Variants in COL28A1 observed in about 807,000 individuals in gnomAD.
COL28A1 encodes the protein collagen type XXVIII alpha 1 chain, also known as collagen alpha-1(XXVIII) chain.
COL28A1 carries 161 observed loss-of-function variants against 150.2 expected under a neutral mutation model. The ratio of observed to expected loss-of-function variants is 1.07; its 90% CI spans 0.94 to 1.22. The LOEUF (loss-of-function observed/expected upper bound fraction) is 1.22, where lower values mean the gene tolerates loss of function less well. COL28A1 is among the 50% of genes most tolerant of loss of function. The pLI is 0.00. For synonymous variants in COL28A1, 552 were observed against 469.7 expected (o/e 1.18, Z -2.26); for missense variants, 1,617 against 1,388.3 (o/e 1.16, Z -2.62).
At chr7:7,400,975 G>GGTGTGGGT (rs1554264685) in intron 27 of COL28A1, among the ~76,000 whole-genome samples, 2 of 119,074 alleles carry the variant, frequency 1.7e-5, no homozygotes, top group African/African-American at 3.4e-5. Flanking sequence ...TGGGTATTTG[G>GGTGTGGGT]GTGTGTGTGT....
At chr7:7,498,739 G>T (rs1006575424) in intron 11 of COL28A1, among the ~76,000 whole-genome samples, 1 of 152,150 alleles carries the variant, frequency 6.6e-6, no homozygotes, top group Non-Finnish European at 1.5e-5. Flanking sequence ...TAATTACAAA[G>T]AAAACATTCT....
At chr7:7,529,049 C>A (rs1782190576) in intron 3 of COL28A1, among the ~76,000 whole-genome samples, 1 of 151,984 alleles carries the variant, frequency 6.6e-6, no homozygotes, top group African/African-American at 2.4e-5. Context: ...CACCTGTAAT[C>A]CCAACACTTT....
Position 7,373,539 on chromosome 7 carries a change from C to T in COL28A1, c.2367G>A (p.Gly789=). The T allele has an allele frequency of 6.2e-7, 1 of 1,607,232 alleles. No homozygotes were observed. ...CTAGTGGAGTCTCTTTGCATTTGGG[C>T]CCACAACCTAAAAGATGAATGTTGA... The part of the protein sequence containing the change: ...IKLITEICGC[G]PKCKETPLEL... Residue 789 remains glycine (G), a synonymous_variant, in exon 32 of 35, where the codon GGG becomes GGA. Coordinates refer to ENST00000399429, the MANE Select transcript of COL28A1 (RefSeq NM_001037763.3). The surrounding 1 kb of genome is among the most constrained non-coding windows in gnomAD (Gnocchi z 4.1).
intron 30 of COL28A1, among the ~76,000 whole-genome samples, chr7:7,375,761 T>C (rs1165875061): frequency 6.6e-6 from 1 of 152,198 alleles, no homozygotes; most frequent in African/African-American, 2.4e-5. Flanking sequence ...ACCTCGGGCA[T>C]TTGGTGCCCT....
Position 7,519,994 on chromosome 7 carries a change from T to C in COL28A1, c.813+68A>G, listed in dbSNP as rs148752169. 1,173 of 808,648 alleles carry C rather than the reference T, an allele frequency of 1.5e-3. 9 individuals are homozygous for C. The African/African-American group carries it at 0.018, about 12-fold the overall frequency. The allele number at this position is 808,648 out of a possible 1,614,324, so 50.1% of individuals were successfully genotyped here. On this transcript the variant is annotated intron_variant, in intron 6 of 34. Coordinates refer to ENST00000399429, the MANE Select transcript of COL28A1 (RefSeq NM_001037763.3). ...ACTACAATGCTTTTTATTTTTAAAA[T>C]TGTTGTTTTAAAAAAAAAGTCTAGA... is the stretch of plus-strand genomic sequence containing the variant.
chr7:7,522,024 A>C (rs1385174218), intron 4 of COL28A1, 63 bp from the exon 5 acceptor site: 3 of 826,736 alleles, frequency 3.6e-6, no homozygotes, highest in Non-Finnish European at 6.5e-6. Flanking sequence ...GCAGCATTTC[A>C]AATTGTATTT....
chr7:7,534,906 G>C (rs1049180740), intron 1 of COL28A1, among the ~76,000 whole-genome samples: 1 of 152,096 alleles, frequency 6.6e-6, no homozygotes, highest in Non-Finnish European at 1.5e-5. Context: ...GTAGCCAGAG[G>C]ACATTTTCAT....
At chr7:7,375,584 C>T in intron 30 of COL28A1, 87 bp from the exon 31 acceptor site, 2 of 840,640 alleles carry the variant, frequency 2.4e-6, no homozygotes, top group South Asian at 2.8e-5. Context: ...TTACAATCAG[C>T]ACTGGACCAT....
intron 8 of COL28A1, 49 bp from the exon 9 acceptor site, chr7:7,511,184 A>T: frequency 7.3e-7 from 1 of 1,371,510 alleles, no homozygotes; most frequent in Non-Finnish European, 1.0e-6. Context: ...GCAGTCATTC[A>T]CTATTAAGAA....
At position 7,531,760 on chromosome 7, in the gene COL28A1, T is replaced by C; in HGVS notation, c.269A>G (p.Asp90Gly). The change falls in exon 3 of 35, where the codon GAC (aspartate) becomes GGC (glycine). Residue 90 changes from aspartate to glycine, a missense_variant. Coordinates refer to ENST00000399429, the MANE Select transcript of COL28A1 (RefSeq NM_001037763.3). ...QLTPGRSLEY[D>G]IKLAALQFSS... ...AAACTGAAGGGCTGCCAGTTTGATGTCATATTCCAAGGAGCGACCAGGAGT... is the reference window on the plus strand; with the variant it reads ...AAACTGAAGGGCTGCCAGTTTGATGCCATATTCCAAGGAGCGACCAGGAGT... The C allele has an allele frequency of 1.2e-6, 2 of 1,609,338 alleles. No homozygotes were observed. The highest frequency in any genetic ancestry group is 1.7e-6 in the Non-Finnish European group (2 of 1,175,586).
At chr7:7,542,967 T>C in the COL28A1 span, among the ~76,000 whole-genome samples, 1 of 152,182 alleles carries the variant, frequency 6.6e-6, no homozygotes. Context: ...TACCCAGCAG[T>C]CTGCCAAAAA....
chr7:7,539,434 T>G (rs1782748962), upstream of COL28A1, among the ~76,000 whole-genome samples: 1 of 152,140 alleles, frequency 6.6e-6, no homozygotes, highest in Non-Finnish European at 1.5e-5. Context: ...AAGGATGGCA[T>G]TAAGTCATTC....
intron 16 of COL28A1, among the ~76,000 whole-genome samples, chr7:7,454,651 G>A (rs1258760457): frequency 1.3e-5 from 2 of 152,118 alleles, no homozygotes; most frequent in Non-Finnish European, 2.9e-5. Context: ...GAATTCACAG[G>A]CCATCTGAAC....
intron 27 of COL28A1, among the ~76,000 whole-genome samples, chr7:7,396,970 G>C (rs1782868910): frequency 6.6e-6 from 1 of 152,140 alleles, no homozygotes; most frequent in African/African-American, 2.4e-5. Context: ...GTACAGCAAG[G>C]GTTTTCAGAA....
At chr7:7,400,526 A>G (rs1783112417) in intron 27 of COL28A1, among the ~76,000 whole-genome samples, 1 of 152,176 alleles carries the variant, frequency 6.6e-6, no homozygotes, top group African/African-American at 2.4e-5. Flanking sequence ...AGAATGTTGT[A>G]GAACGCATTC....
rs191662093 is a variant in COL28A1, at chr7:7,451,864, T to C, written c.1509+455A>G. Among the ~76,000 whole-genome samples the C allele has an allele frequency of 9.2e-5, 14 of 152,318 alleles. No individual in the cohort carries two copies. The East Asian group carries it at 2.7e-3, about 29-fold the overall frequency. Reference sequence around the variant, plus strand: ...ATTCTTCTTAGACCTACATCTTATATATTCTTCTAATACTCAAATGCTCGT... The same window carrying C: ...ATTCTTCTTAGACCTACATCTTATACATTCTTCTAATACTCAAATGCTCGT... On this transcript the variant is annotated intron_variant, in intron 18 of 34. Coordinates refer to ENST00000399429, the MANE Select transcript of COL28A1 (RefSeq NM_001037763.3).
At chr7:7,510,032 C>G (rs1781037088) in intron 9 of COL28A1, among the ~76,000 whole-genome samples, 1 of 152,080 alleles carries the variant, frequency 6.6e-6, no homozygotes, top group Non-Finnish European at 1.5e-5. Flanking sequence ...ACCCTCTTCT[C>G]CTAACCTTCT....
chr7:7,380,276 T>C (rs1200240346), intron 30 of COL28A1, among the ~76,000 whole-genome samples: 1 of 152,162 alleles, frequency 6.6e-6, no homozygotes, highest in Non-Finnish European at 1.5e-5. Context: ...AGAGCACTTC[T>C]AAAGGAACTA....
chr7:7,428,074 G>A (rs1214632521), intron 25 of COL28A1, among the ~76,000 whole-genome samples: 1 of 152,172 alleles, frequency 6.6e-6, no homozygotes, highest in Non-Finnish European at 1.5e-5. Flanking sequence ...CTATAAAACA[G>A]GGGGACTGTT....
Sources: allele counts gnomAD v4.1 joint callset (sites outside exome capture counted in the v4.1 genomes callset), GRCh38; gene constraint gnomAD v4.1.1; non-coding constraint Gnocchi (gnomAD v3.1); transcripts MANE v1.5; gene names NCBI Gene and HGNC (gene_info 2026-07-23, HGNC 2026-07-21).